Variants in CADPS2 observed in about 807,000 individuals in gnomAD.
The protein encoded by CADPS2 is calcium-dependent secretion activator 2.
Under a neutral mutation model 172.5 loss-of-function variants are expected in CADPS2, and 93 were observed. The ratio of observed to expected loss-of-function variants is 0.54; its 90% confidence interval spans 0.46 to 0.64. The LOEUF (loss-of-function observed/expected upper bound fraction) is 0.64, where lower values mean the gene tolerates loss of function less well. Ranked by LOEUF, CADPS2 falls within the 30% of genes least tolerant of loss-of-function variation. The probability of loss-of-function intolerance (pLI) is 0.00; values close to 1 mark genes in which losing one functional copy is unlikely to be tolerated. For synonymous variants in CADPS2, 546 were observed against 555.2 expected (o/e 0.98, Z 0.23); for missense variants, 1,420 against 1,565.9 (o/e 0.91, Z 1.57).
chr7:122,676,116 C>T (rs571278500), intron 2 of CADPS2, among the ~76,000 whole-genome samples: 1 of 152,222 alleles, frequency 6.6e-6, no homozygotes, highest in African/African-American at 2.4e-5. Context: ...GAGCAGTAAA[C>T]CCTGGGAAAA....
rs368445964 is a variant in CADPS2 at position 122,573,817 on chromosome 7, T to C, written c.1335+7362A>G. Among the ~76,000 whole-genome samples, 10 of 152,294 alleles carry C rather than the reference T, an allele frequency of 6.6e-5. No homozygotes were observed. The South Asian group carries it at 2.1e-3, about 32-fold the overall frequency. On this transcript the variant is annotated intron_variant, in intron 7 of 29. Coordinates refer to ENST00000449022, the MANE Select transcript of CADPS2 (RefSeq NM_017954.11). ...ATAAACTGTATGTCTAAAATGACTA[T>C]GTATAAAAATACTTTAGCTTAAATA...
Position 122,407,629 on chromosome 7 carries a change from T to A in CADPS2, c.2657A>T (p.Asp886Val), listed in dbSNP as rs2046811510. Residue 886 changes from aspartate (D) to valine (V), a missense_variant, in exon 20 of 30, where the codon GAT becomes GTT. Asp to Val is a radical substitution (Grantham distance 152). Coordinates refer to ENST00000449022, the MANE Select transcript of CADPS2 (RefSeq NM_017954.11). ...TTGAGCCTCTAGTGCAGTGTCCATA[T>A]CCACTGTAAATAAAGCCCAAAATTT... ...AEKFWALFTV[D>V]MDTALEAQPQ... The A allele has an allele frequency of 4.3e-6, 7 of 1,611,926 alleles. No homozygotes were observed. Among genetic ancestry groups the A allele is most frequent in the Admixed American group, 1.7e-5 (1 of 59,796 alleles).
chr7:122,716,618 T>C (rs903672518), intron 2 of CADPS2, among the ~76,000 whole-genome samples: 4 of 152,148 alleles, frequency 2.6e-5, no homozygotes, highest in Non-Finnish European at 5.9e-5. Context: ...ACATGGCACA[T>C]GTATACATAT....
At chr7:122,522,445 T>C (rs1229342247) in intron 8 of CADPS2, among the ~76,000 whole-genome samples, 2 of 152,154 alleles carry the variant, frequency 1.3e-5, no homozygotes, top group Non-Finnish European at 2.9e-5. Context: ...TTTACTGATA[T>C]GTATTTTACA....
Position 122,388,691 on chromosome 7 carries a change from A to G in CADPS2, c.3056T>C (p.Leu1019Pro). 1.9e-6 allele frequency: 3 copies of G among 1,610,138 alleles called. No individual in the cohort carries two copies. Among genetic ancestry groups the G allele is most frequent in the Non-Finnish European group, 2.5e-6 (3 of 1,177,506 alleles). ...GTGCAGATCAAAGACAAACATTTGC[A>G]GTGCATCAAGCTTCCAAAAAAGGTC... The part of the protein sequence containing the change: ...SEDLFWKLDA[L>P]QMFVFDLHWP... The change falls in exon 23 of 30, where the codon CTG (leucine) becomes CCG (proline). Residue 1019 changes from leucine (L) to proline (P), a missense_variant. Physicochemically the swap from Leu to Pro is moderately conservative, Grantham distance 98 (BLOSUM62 -3). Coordinates refer to ENST00000449022, the MANE Select transcript of CADPS2 (RefSeq NM_017954.11).
intron 7 of CADPS2, among the ~76,000 whole-genome samples, chr7:122,577,697 A>C (rs1214528399): frequency 1.3e-5 from 2 of 152,186 alleles, no homozygotes; most frequent in African/African-American, 4.8e-5. Context: ...TTTGGATTGT[A>C]TAGTAAGTCT....
At chr7:122,795,947 A>G (rs1243860878) in intron 1 of CADPS2, among the ~76,000 whole-genome samples, 1 of 152,174 alleles carries the variant, frequency 6.6e-6, no homozygotes, top group Non-Finnish European at 1.5e-5. Flanking sequence ...ACATGATCCT[A>G]TATCTAGAAA....
At chr7:122,460,975 T>C (rs1011091247) in intron 14 of CADPS2, among the ~76,000 whole-genome samples, 12 of 152,238 alleles carry the variant, frequency 7.9e-5, no homozygotes, top group Admixed American at 2.6e-4. Context: ...CAAGCCACAC[T>C]AATTCATTTC....
chr7:122,684,378 ATATTT>A (rs2083404025), intron 2 of CADPS2, among the ~76,000 whole-genome samples: 2 of 152,106 alleles, frequency 1.3e-5, no homozygotes, highest in Non-Finnish European at 2.9e-5. Flanking sequence ...TTTTCCCCCA[ATATTT>A]TATTATAAAA....
intron 14 of CADPS2, among the ~76,000 whole-genome samples, chr7:122,458,527 A>T (rs1433488988): frequency 6.6e-6 from 1 of 152,214 alleles, no homozygotes; most frequent in Non-Finnish European, 1.5e-5. Flanking sequence ...ATGAAAAAAT[A>T]TTTTAAAAGA....
intron 14 of CADPS2, among the ~76,000 whole-genome samples, chr7:122,456,693 A>G (rs2152072994): frequency 6.6e-6 from 1 of 152,284 alleles, no homozygotes; most frequent in South Asian, 2.1e-4. Flanking sequence ...CCTGATCTTA[A>G]CGTCTGCCTG....
At chr7:122,753,892 T>G (rs2093052624) in intron 1 of CADPS2, among the ~76,000 whole-genome samples, 1 of 152,180 alleles carries the variant, frequency 6.6e-6, no homozygotes, top group African/African-American at 2.4e-5. Context: ...CAAAAACTTT[T>G]TTTTTTCCCT....
chr7:122,865,728 G>A (rs906447468), intron 1 of CADPS2, among the ~76,000 whole-genome samples: 3 of 152,180 alleles, frequency 2.0e-5, no homozygotes, highest in African/African-American at 7.2e-5. Context: ...GTTAATGAAA[G>A]GGGGAAAAGG....
chr7:122,643,177 G>A (rs1563940599), intron 3 of CADPS2, among the ~76,000 whole-genome samples: 1 of 152,102 alleles, frequency 6.6e-6, no homozygotes, highest in East Asian at 1.9e-4. Flanking sequence ...GCAGCCCAGT[G>A]TTTCATTTGG....
intron 9 of CADPS2, among the ~76,000 whole-genome samples, chr7:122,502,811 A>G (rs1433845406): frequency 2.0e-5 from 3 of 152,136 alleles, no homozygotes; most frequent in Admixed American, 2.0e-4. Context: ...CTCAAATGTC[A>G]GGAATTCTCC....
chr7:122,515,361 A>G (rs1226419914), intron 8 of CADPS2, among the ~76,000 whole-genome samples: 2 of 152,056 alleles, frequency 1.3e-5, no homozygotes, highest in Non-Finnish European at 2.9e-5. Context: ...CTGTGGTTCT[A>G]GTGACAGGTA....
chr7:122,344,516 T>C (rs1378330092), intron 28 of CADPS2, among the ~76,000 whole-genome samples: 1 of 152,166 alleles, frequency 6.6e-6, no homozygotes, highest in African/African-American at 2.4e-5. Context: ...TTGTCATGCC[T>C]AAATGAAGAC....
intron 1 of CADPS2, among the ~76,000 whole-genome samples, chr7:122,788,091 GCCATCAGGCTGGAGAA>G (rs1258866608): frequency 6.6e-6 from 1 of 152,176 alleles, no homozygotes; most frequent in East Asian, 1.9e-4. Context: ...AATCTGCCCA[GCCATCAGGCTGGAGAA>G]TAACAGAAAC....
intron 1 of CADPS2, among the ~76,000 whole-genome samples, chr7:122,829,825 G>A (rs1326682633): frequency 6.6e-6 from 1 of 152,150 alleles, no homozygotes; most frequent in Non-Finnish European, 1.5e-5. Flanking sequence ...GTGCCTTAAA[G>A]ATGGTGTTGT....
Sources: gnomAD v4.1 joint callset for allele counts (sites outside exome capture counted in the v4.1 genomes callset) on GRCh38, gnomAD v4.1.1 for gene constraint, MANE v1.5 for transcripts, NCBI Gene and HGNC (gene_info 2026-07-23, HGNC 2026-07-21) for gene names.